The following UNC5B variants were observed in gnomAD, a reference collection of about 807,000 sequenced individuals.
UNC5B encodes the protein netrin receptor UNC5B.
UNC5B carries 56 observed loss-of-function variants against 103.7 expected under a neutral mutation model. The observed-to-expected ratio is 0.54, with a 90% CI of 0.44 to 0.67. UNC5B has a LOEUF of 0.67. Among genes scored for constraint, UNC5B ranks in the 30% least tolerant of loss-of-function variants. The pLI is 0.00. For missense variants in UNC5B, 1,194 were observed against 1,284.5 expected (o/e 0.93, Z 1.08); for synonymous variants, 577 against 542.0 (o/e 1.06, Z -0.90).
chr10:71,226,185 A>C (rs147819437), intron 1 of UNC5B, among the ~76,000 whole-genome samples: 13,253 of 152,090 alleles, frequency 0.087, 785 homozygotes, highest in Non-Finnish European at 0.12. Flanking sequence ...AGTGATTCTC[A>C]TGCCTCAGCC....
At chr10:71,290,695 A>G (rs1203485911) in intron 8 of UNC5B, among the ~76,000 whole-genome samples, 1 of 152,226 alleles carries the variant, frequency 6.6e-6, no homozygotes, top group African/African-American at 2.4e-5. Context: ...CTCATGCCAC[A>G]ACTAGGAGGG....
chr10:71,224,724 G>A (rs1281877831), intron 1 of UNC5B, among the ~76,000 whole-genome samples: 1 of 152,228 alleles, frequency 6.6e-6, no homozygotes, highest in African/African-American at 2.4e-5. Flanking sequence ...GGCATGGTCA[G>A]TGAAGGTCGG....
intron 1 of UNC5B, among the ~76,000 whole-genome samples, chr10:71,228,881 T>C (rs535200890): frequency 5.9e-5 from 9 of 152,292 alleles, no homozygotes; most frequent in African/African-American, 1.7e-4. Flanking sequence ...CACCCTAATC[T>C]AGCTTTTAGT....
rs1276241111 is a variant in UNC5B at position 71,287,751 on chromosome 10, C to T, written c.887C>T (p.Thr296Ile). ...CAGGCATTCCAGAAGACCGCCTGCACCACCATCTGCCCAGGTAAGGAGCCT... is the reference window on the plus strand; with the variant it reads ...CAGGCATTCCAGAAGACCGCCTGCATCACCATCTGCCCAGGTAAGGAGCCT... Reference protein sequence around the residue: ...EGQAFQKTACTTICPVDGAWT... With the variant: ...EGQAFQKTACITICPVDGAWT... The change falls in exon 6 of 17, where the codon ACC becomes ATC. Residue 296 changes from threonine to isoleucine, a missense_variant. Transcript: ENST00000335350. 1.9e-6 allele frequency: 3 copies of T among 1,612,774 alleles called. No homozygotes were observed. Among genetic ancestry groups the T allele is most frequent in the Non-Finnish European group, 1.7e-6 (2 of 1,179,322 alleles).
At chr10:71,285,623 G>T (rs112888392) in intron 4 of UNC5B, among the ~76,000 whole-genome samples, 194 bp downstream of exon 4, 27 of 151,138 alleles carry the variant, frequency 1.8e-4, no homozygotes, top group African/African-American at 6.4e-4. Context: ...ATCCCAGCTG[G>T]GTCTGCCACA....
chr10:71,280,366 TCA>T (rs1844892464), intron 2 of UNC5B, among the ~76,000 whole-genome samples: 1 of 152,068 alleles, frequency 6.6e-6, no homozygotes, highest in Non-Finnish European at 1.5e-5. Flanking sequence ...GGTCTCTGCC[TCA>T]CAGCCCTGGC....
intron 1 of UNC5B, among the ~76,000 whole-genome samples, chr10:71,272,403 A>T (rs1196680526): frequency 6.6e-6 from 1 of 152,124 alleles, no homozygotes; most frequent in African/African-American, 2.4e-5. Context: ...GACAAAAGCC[A>T]GCGGTGGGGG....
intron 1 of UNC5B, among the ~76,000 whole-genome samples, chr10:71,254,652 G>C (rs902497804): frequency 6.6e-6 from 1 of 152,178 alleles, no homozygotes; most frequent in East Asian, 1.9e-4. Flanking sequence ...CCTTCCTCCT[G>C]GCTGGAGAAC....
intron 1 of UNC5B, among the ~76,000 whole-genome samples, chr10:71,221,480 C>T (rs905099832): frequency 2.0e-5 from 3 of 152,186 alleles, no homozygotes; most frequent in African/African-American, 4.8e-5. Flanking sequence ...ACTCCTGTCT[C>T]CATGTAGGGT....
intron 11 of UNC5B, 104 bp from the exon 12 acceptor site, chr10:71,293,301 T>C: frequency 1.5e-6 from 2 of 1,343,904 alleles, no homozygotes; most frequent in Non-Finnish European, 2.0e-6. Context: ...GGCAAAGAGC[T>C]GCCCTCCACC....
rs568348778 is a variant in UNC5B at position 71,215,621 on chromosome 10, G to A, written c.79+2557G>A. ...GTCAGCAAGTGACTAGCCAGAAAAGGCCACTTCAAAAGCTCTGGTTGGCCC... is the reference window on the plus strand; with the variant it reads ...GTCAGCAAGTGACTAGCCAGAAAAGACCACTTCAAAAGCTCTGGTTGGCCC... On this transcript the variant is annotated intron_variant, in intron 1 of 16. Coordinates refer to ENST00000335350, the MANE Select transcript of UNC5B (RefSeq NM_170744.5). Among the ~76,000 whole-genome samples the A allele has an allele frequency of 2.0e-5, 3 of 152,198 alleles. No individual in the cohort carries two copies. The South Asian group carries it at 6.2e-4, about 32-fold the overall frequency.
intron 4 of UNC5B, among the ~76,000 whole-genome samples, chr10:71,286,256 C>T (rs966039652): frequency 2.6e-5 from 4 of 152,142 alleles, no homozygotes; most frequent in Non-Finnish European, 5.9e-5. Context: ...GACCCGGGGA[C>T]CTTCTTCGTA....
intron 1 of UNC5B, among the ~76,000 whole-genome samples, chr10:71,239,839 G>T (rs958076949): frequency 2.6e-5 from 4 of 152,186 alleles, no homozygotes; most frequent in African/African-American, 9.7e-5. Flanking sequence ...CCTGTGATCT[G>T]CATGTGAGCA....
chr10:71,293,836 A>G lies in UNC5B; in HGVS notation c.2078A>G (p.Lys693Arg), dbSNP rs766580585. ...TGESYSRSAV[K>R]RLQLAVFAPA... ...GAGTCCTATTCCCGCTCAGCAGTCA[A>G]GCGGCTCCAGCTGGCCGTCTTCGCC... Residue 693 changes from lysine to arginine, a missense_variant, in exon 13 of 17, where the codon AAG (lysine) becomes AGG (arginine). By Grantham distance (26) the Lys-to-Arg change is conservative. Transcript: ENST00000335350. 3.1e-6 allele frequency: 5 copies of G among 1,611,604 alleles called. No individual in the cohort carries two copies. Among genetic ancestry groups the G allele is most frequent in the Non-Finnish European group, 4.2e-6 (5 of 1,179,602 alleles).
At chr10:71,214,144 C>T (rs1458218467) in intron 1 of UNC5B, among the ~76,000 whole-genome samples, 1 of 152,128 alleles carries the variant, frequency 6.6e-6, no homozygotes, top group Admixed American at 6.5e-5. Context: ...GCACGGAGTC[C>T]TCTCTGAGTT....
intron 1 of UNC5B, among the ~76,000 whole-genome samples, chr10:71,237,830 T>C (rs1041409372): frequency 3.3e-5 from 5 of 152,156 alleles, no homozygotes; most frequent in African/African-American, 1.2e-4. Flanking sequence ...CAAGTGGAAA[T>C]GGTAAAACCT....
intron 1 of UNC5B, among the ~76,000 whole-genome samples, chr10:71,234,382 T>C (rs1048442113): frequency 8.5e-5 from 13 of 152,154 alleles, no homozygotes; most frequent in Non-Finnish European, 2.9e-5. Context: ...GGTCCCAAGG[T>C]TTATGGACTG....
At position 71,227,703 on chromosome 10, in the gene UNC5B, CAT is replaced by C. The variant is rs1382854607; in HGVS notation, c.79+14643_79+14644del. On this transcript the variant is annotated intron_variant, in intron 1 of 16. Coordinates refer to ENST00000335350, the MANE Select transcript of UNC5B (RefSeq NM_170744.5). ...ATATATATACACATATATATACACA[CAT>C]ATACACACACACACACACACACACA... Among the ~76,000 whole-genome samples, 87 of 111,474 alleles carry C rather than the reference CAT, an allele frequency of 7.8e-4. 1 individual carries two copies. The highest frequency in any genetic ancestry group is 1.8e-3 in the African/African-American group (47 of 25,580). 73.1% of individuals were successfully genotyped at this position (111,474 alleles called of 152,430 possible).
At chr10:71,230,192 C>T (rs956092156) in intron 1 of UNC5B, among the ~76,000 whole-genome samples, 10 of 152,120 alleles carry the variant, frequency 6.6e-5, no homozygotes, top group Admixed American at 4.6e-4. Flanking sequence ...TCCATGTTTT[C>T]CCTAGGGGAA....
Sources: allele counts gnomAD v4.1 joint callset (sites outside exome capture counted in the v4.1 genomes callset), GRCh38; gene constraint gnomAD v4.1.1; transcripts MANE v1.5; gene names NCBI Gene and HGNC (gene_info 2026-07-23, HGNC 2026-07-21).